Variants in KLHL7 observed in about 807,000 individuals in gnomAD.
KLHL7 encodes the protein kelch like family member 7.
KLHL7 carries 44 observed loss-of-function variants against 67.4 expected under a neutral mutation model. The ratio of observed to expected loss-of-function variants is 0.65; its 90% CI spans 0.51 to 0.84. KLHL7 has a LOEUF of 0.84. Ranked by LOEUF, KLHL7 falls within the 40% of genes least tolerant of loss-of-function variation. KLHL7 has a pLI of 0.00. For synonymous variants in KLHL7, 252 were observed against 243.3 expected (o/e 1.04, Z -0.33); for missense variants, 362 against 718.1 (o/e 0.50, Z 5.67).
At chr7:23,116,769 C>G (rs1783107437) in intron 1 of KLHL7, among the ~76,000 whole-genome samples, 1 of 152,120 alleles carries the variant, frequency 6.6e-6, no homozygotes, top group Non-Finnish European at 1.5e-5. Context: ...AGCTGGACTA[C>G]TTTTGGGTTA....
chr7:23,140,747 T>C, intron 4 of KLHL7, 22 bp from the exon 5 acceptor site: 1 of 1,607,638 alleles, frequency 6.2e-7, no homozygotes, highest in Non-Finnish European at 8.5e-7. Context: ...TTTCTATTCT[T>C]TTATTTTCTT....
intron 4 of KLHL7, among the ~76,000 whole-genome samples, chr7:23,133,481 G>A (rs534799960): frequency 1.3e-5 from 2 of 151,898 alleles, no homozygotes; most frequent in African/African-American, 4.8e-5. Flanking sequence ...ACCCAAGCTG[G>A]AATGCAGTGG....
chr7:23,106,378 C>T (rs1782639704), intron 1 of KLHL7: 7 of 1,369,392 alleles, frequency 5.1e-6, no homozygotes, highest in Non-Finnish European at 6.6e-6. Flanking sequence ...AAGTCAGACT[C>T]CTGGGGGACT....
intron 4 of KLHL7, among the ~76,000 whole-genome samples, chr7:23,132,927 C>T (rs544990488): frequency 2.0e-5 from 3 of 152,230 alleles, no homozygotes; most frequent in African/African-American, 7.2e-5. Flanking sequence ...ATTCTTGGCA[C>T]CTTTGTTGAA....
intron 1 of KLHL7, among the ~76,000 whole-genome samples, chr7:23,118,808 G>A (rs1005608114): frequency 2.6e-5 from 4 of 151,808 alleles, no homozygotes; most frequent in African/African-American, 7.3e-5. Flanking sequence ...GTGGTAGCTC[G>A]TGCCTGTAAT....
intron 7 of KLHL7, among the ~76,000 whole-genome samples, chr7:23,156,337 A>G (rs1244429380): frequency 1.3e-5 from 2 of 152,246 alleles, no homozygotes; most frequent in African/African-American, 4.8e-5. Flanking sequence ...TCATCCTTTT[A>G]TAAAGCCTAT....
chr7:23,106,452 G>C (rs1421684504), intron 1 of KLHL7: 1 of 1,228,456 alleles, frequency 8.1e-7, no homozygotes, highest in East Asian at 4.7e-5. Flanking sequence ...TTATCTCTTT[G>C]TGGGGCGAGG....
At chr7:23,163,472 C>T (rs535528915) in intron 7 of KLHL7, among the ~76,000 whole-genome samples, 15 of 152,114 alleles carry the variant, frequency 9.9e-5, no homozygotes, top group South Asian at 2.1e-4. Context: ...ACATCCGGCC[C>T]GAAGCTTTTA....
chr7:23,142,993 T>C (rs1784240345), intron 5 of KLHL7, among the ~76,000 whole-genome samples: 1 of 152,208 alleles, frequency 6.6e-6, no homozygotes, highest in African/African-American at 2.4e-5. Context: ...GGGCAGGGTA[T>C]GTGGAAACTC....
Position 23,172,940 on chromosome 7 carries a change from T to G in KLHL7, c.1380-8T>G, listed in dbSNP as rs1785207324. On this transcript the variant is annotated splice_polypyrimidine_tract_variant and splice_region_variant and intron_variant, in intron 9 of 10. Coordinates refer to ENST00000339077, the MANE Select transcript of KLHL7 (RefSeq NM_001031710.3). ...AAACAAGCACACTAAAAACTTTAAT[T>G]TTTTCAGATGGACTGAGCTGTGTCC... is the stretch of plus-strand genomic sequence containing the variant. 10 of 1,610,970 alleles carry G rather than the reference T, an allele frequency of 6.2e-6. No homozygotes were observed. In the East Asian group the frequency reaches 2.2e-4, roughly 36 times the overall value.
intron 4 of KLHL7, chr7:23,129,224 A>C (rs4624924): frequency 0.42 from 93,590 of 220,752 alleles, 22,518 homozygotes; most frequent in African/African-American, 0.72. Flanking sequence ...GGGGCCCCAG[A>C]CCTGGGCTTA....
At chr7:23,170,384 T>C (rs1445200871) in intron 9 of KLHL7, among the ~76,000 whole-genome samples, 1 of 152,236 alleles carries the variant, frequency 6.6e-6, no homozygotes, top group African/African-American at 2.4e-5. Context: ...ACACATGTTG[T>C]CACTCATGTG....
At chr7:23,106,246 CT>C in intron 1 of KLHL7, 100 bp downstream of exon 1, 1 of 1,549,842 alleles carries the variant, frequency 6.5e-7, no homozygotes, top group Non-Finnish European at 8.7e-7. Context: ...GATCGCGCCC[CT>C]CTTTCTCTGT....
chr7:23,119,657 C>T (rs1783248131), intron 1 of KLHL7, among the ~76,000 whole-genome samples: 1 of 152,216 alleles, frequency 6.6e-6, no homozygotes, highest in African/African-American at 2.4e-5. Flanking sequence ...CTGTTCTCCA[C>T]CTTCTCACTA....
intron 4 of KLHL7, among the ~76,000 whole-genome samples, chr7:23,135,446 C>T (rs1783943750): frequency 6.6e-6 from 1 of 151,996 alleles, no homozygotes; most frequent in Non-Finnish European, 1.5e-5. Flanking sequence ...CTGTTAGATC[C>T]ATTTGGTCTA....
In KLHL7 at chr7:23,152,083, T is replaced by TC; in HGVS notation, c.811dup (p.Leu271ProfsTer17). 1 of 1,613,880 alleles carries TC rather than the reference T, an allele frequency of 6.2e-7. No individual in the cohort carries two copies. Among genetic ancestry groups the TC allele is most frequent in the Non-Finnish European group, 8.5e-7 (1 of 1,179,812 alleles). ...TTACTACAGGTGGAATGAGGTACCATCTACTGTCTCCAGAGGACCGAGAAG... is the reference window on the plus strand; with the variant it reads ...TTACTACAGGTGGAATGAGGTACCATCCTACTGTCTCCAGAGGACCGAGAAG... On this transcript the variant is annotated frameshift_variant, in exon 7 of 11. Coordinates refer to ENST00000339077, the MANE Select transcript of KLHL7 (RefSeq NM_001031710.3). LOFTEE classifies it high-confidence loss of function.
In KLHL7 at chr7:23,174,133, C is replaced by G; in HGVS notation, c.1596C>G (p.Val532=). ...KCAAVGSIVY[V]LAGFQGVGRL... ...CAGCAGTTGGCTCTATAGTTTATGT[C>G]TTGGCTGGTTTTCAGGGTGTTGGTC... Residue 532 remains valine (V), a synonymous_variant, in exon 11 of 11, where the codon GTC becomes GTG. Transcript: ENST00000339077. The G allele has an allele frequency of 1.2e-6, 2 of 1,614,144 alleles. No individual in the cohort carries two copies. The highest frequency in any genetic ancestry group is 1.7e-6 in the Non-Finnish European group (2 of 1,180,014).
intron 1 of KLHL7, 87 bp downstream of exon 1, chr7:23,106,233 G>C: frequency 6.4e-7 from 1 of 1,556,762 alleles, no homozygotes; most frequent in Non-Finnish European, 8.7e-7. Context: ...CCCGCGCCCT[G>C]TGGATCGCGC....
chr7:23,159,782 AACCTCCCAAAGTGCT>A (rs1784809313), intron 7 of KLHL7, among the ~76,000 whole-genome samples: 1 of 152,196 alleles, frequency 6.6e-6, no homozygotes, highest in Non-Finnish European at 1.5e-5. Flanking sequence ...TGCCTGCCTC[AACCTCCCAAAGTGCT>A]AGGATTACAG....
Sources: allele counts gnomAD v4.1 joint callset (sites outside exome capture counted in the v4.1 genomes callset), GRCh38; gene constraint gnomAD v4.1.1; transcripts MANE v1.5; gene names NCBI Gene and HGNC (gene_info 2026-07-23, HGNC 2026-07-21).